The following LAMA5 variants were observed in gnomAD, a reference collection of about 807,000 sequenced individuals.
LAMA5 encodes laminin subunit alpha 5.
Under a neutral mutation model 433.4 loss-of-function variants are expected in LAMA5, and 260 were observed. That is an observed-to-expected ratio of 0.60 (90% CI 0.54 to 0.66). The LOEUF (loss-of-function observed/expected upper bound fraction) is 0.66. Among genes scored for constraint, LAMA5 ranks in the 30% least tolerant of loss-of-function variants. LAMA5 has a pLI of 0.00. For missense variants in LAMA5, 5,378 were observed against 5,258.5 expected (o/e 1.02, Z -0.70); for synonymous variants, 2,620 against 2,226.6 (o/e 1.18, Z -4.97).
In LAMA5 at chr20:62,329,785, G is replaced by A. The variant is rs1349536565; in HGVS notation, c.4111C>T (p.Leu1371Phe). 6.2e-7 allele frequency: 1 copy of A among 1,612,428 alleles called. No individual in the cohort carries two copies. Among genetic ancestry groups the A allele is most frequent in the Non-Finnish European group, 8.5e-7 (1 of 1,179,762 alleles). The stretch of plus-strand genomic sequence containing the variant: ...CATCAGCTGGGACTCACCAGCCAGA[G>A]CCACCGGCCCTTGGGCACACGCACG... The part of the protein sequence containing the change: ...VTVRVPKGRW[L>F]WLDYVLVVPE... The change falls in exon 32 of 80, where the codon CTC becomes TTC. Residue 1371 changes from leucine (L) to phenylalanine (F), a missense_variant. Leu to Phe is a conservative substitution (Grantham distance 22, BLOSUM62 0). Coordinates refer to ENST00000252999, the MANE Select transcript of LAMA5 (RefSeq NM_005560.6).
At chr20:62,332,506 T>G in intron 27 of LAMA5, 26 bp from the exon 28 acceptor site, 2 of 1,610,298 alleles carry the variant, frequency 1.2e-6, no homozygotes, top group East Asian at 2.2e-5. Context: ...GGTCAGCAGG[T>G]GGGGCAGCCC....
rs138468519 is a variant in LAMA5 at position 62,309,371 on chromosome 20, C to T, written c.11053G>A (p.Gly3685Arg). 0.011 allele frequency: 17,166 copies of T among 1,590,316 alleles called. 109 individuals carry two copies. Among genetic ancestry groups the T allele is most frequent in the Non-Finnish European group, 0.013 (14,806 of 1,176,538 alleles). ...GGGCAGCCACTGGCCCCCACTGCCC[C>T]GTGGACCTCCACAGAGCGAGTCATG... ...VAMTRSVEVH[G>R]AVGASGCPAA The change falls in exon 80 of 80, where the codon GGG (glycine) becomes AGG (arginine). Residue 3685 changes from glycine (G) to arginine (R), a missense_variant. Coordinates refer to ENST00000252999, the MANE Select transcript of LAMA5 (RefSeq NM_005560.6).
At chr20:62,321,728 AGTG>A (rs1396505702) in intron 48 of LAMA5, among the ~76,000 whole-genome samples, 1 of 20,628 alleles carries the variant, frequency 4.8e-5, no homozygotes, top group Admixed American at 6.3e-4. Flanking sequence ...GGGTGGGGTC[AGTG>A]GAGGGGTGGG....
chr20:62,333,369 C>T lies in LAMA5; in HGVS notation c.3128+6G>A. 1 of 1,610,528 alleles carries T rather than the reference C, an allele frequency of 6.2e-7. No individual in the cohort carries two copies. Among genetic ancestry groups the T allele is most frequent in the Non-Finnish European group, 8.5e-7 (1 of 1,179,440 alleles). Reference sequence around the variant, plus strand: ...ACCCCGGTCCCACCGCACGCATGGCCCTCACTTGTCGCCAGACTGCTGGGC... The same window carrying T: ...ACCCCGGTCCCACCGCACGCATGGCTCTCACTTGTCGCCAGACTGCTGGGC... On this transcript the variant is annotated splice_donor_region_variant and intron_variant, in intron 25 of 79. Transcript: ENST00000252999.
chr20:62,359,721 C>T lies in LAMA5; in HGVS notation c.450+2679G>A, dbSNP rs1038765149. Among the ~76,000 whole-genome samples the T allele has an allele frequency of 4.6e-5, 7 of 151,770 alleles. No homozygotes were observed. Among genetic ancestry groups the T allele is most frequent in the East Asian group, 1.9e-4 (1 of 5,134 alleles). ...GAGAGAGAACCCCTCCACGGCTGGG[C>T]GCAGCGGGACCCAGGCCAGGAGCCC... On this transcript the variant is annotated intron_variant, in intron 2 of 79. Coordinates refer to ENST00000252999, the MANE Select transcript of LAMA5 (RefSeq NM_005560.6). The surrounding 1 kb of genome is among the most constrained non-coding windows in gnomAD (Gnocchi z 4.3).
Position 62,310,324 on chromosome 20 carries a change from G to T in LAMA5, c.10601-13C>A. 1 of 1,590,742 alleles carries T rather than the reference G, an allele frequency of 6.3e-7. No individual in the cohort carries two copies. Among genetic ancestry groups the T allele is most frequent in the South Asian group, 1.1e-5 (1 of 88,056 alleles). ...GCTCCTGGGAGGTCTGCGGGGAGGGGTTGTGATGGAGAAGAAAGGGGGGGC... is the reference window on the plus strand; with the variant it reads ...GCTCCTGGGAGGTCTGCGGGGAGGGTTTGTGATGGAGAAGAAAGGGGGGGC... On this transcript the variant is annotated splice_polypyrimidine_tract_variant and intron_variant, in intron 76 of 79. Coordinates refer to ENST00000252999, the MANE Select transcript of LAMA5 (RefSeq NM_005560.6).
rs773452882 is a variant in LAMA5 at position 62,310,437 on chromosome 20, C to T, written c.10582G>A (p.Gly3528Arg). 1.5e-5 allele frequency: 24 copies of T among 1,604,660 alleles called. No homozygotes were observed. The highest frequency in any genetic ancestry group is 5.1e-5 in the Admixed American group (3 of 58,748). ...CACAGACCTAAAGTGATAACTCCCCCGCTGCCTGGGAAGAACAGGCCCGCC... is the reference window on the plus strand; with the variant it reads ...CACAGACCTAAAGTGATAACTCCCCTGCTGCCTGGGAAGAACAGGCCCGCC... Reference protein sequence around the residue: ...LEAGLFFPGSGGVITLDLPGA... With the variant: ...LEAGLFFPGSRGVITLDLPGA... Residue 3528 changes from glycine to arginine, a missense_variant, in exon 76 of 80, where the codon GGG becomes AGG. Physicochemically the swap from Gly to Arg is moderately radical, Grantham distance 125 (BLOSUM62 -2). Transcript: ENST00000252999.
Position 62,309,452 on chromosome 20 carries a change from GC to G in LAMA5, c.10971del (p.Trp3657CysfsTer9). On this transcript the variant is annotated frameshift_variant, in exon 80 of 80. Coordinates refer to ENST00000252999, the MANE Select transcript of LAMA5 (RefSeq NM_005560.6). LOFTEE classifies it low-confidence loss of function (END_TRUNC). ...CTCATGCAGCCGCAGTAGGCGGGGG[GC>G]CAGGGCTGCACGGCCATGGGCTCTG... ...GLPEPMAVQP[W>X]PPAYCGCMRR... is the part of the protein sequence containing the mutation. 1 of 1,583,292 alleles carries G rather than the reference GC, an allele frequency of 6.3e-7. No individual in the cohort carries two copies.
At position 62,329,183 on chromosome 20, in the gene LAMA5, G is replaced by T. The variant is rs1979871698; in HGVS notation, c.4190C>A (p.Ser1397Tyr). The T allele has an allele frequency of 1.2e-6, 2 of 1,612,912 alleles. No individual in the cohort carries two copies. Among genetic ancestry groups the T allele is most frequent in the Non-Finnish European group, 1.7e-6 (2 of 1,179,914 alleles). Residue 1397 changes from serine to tyrosine, a missense_variant, in exon 33 of 80, where the codon TCC (serine) becomes TAC (tyrosine). By Grantham distance (144) the Ser-to-Tyr change is moderately radical (BLOSUM62 -2). Transcript: ENST00000252999. ...TGCGCAGTGGCTGATGAAGTCATAG[G>T]ATTTATCCAGGGGCTCCTCCCGGAG... ...GYLREEPLDK[S>Y]YDFISHCAAQ...
intron 1 of LAMA5, among the ~76,000 whole-genome samples, chr20:62,363,056 G>A (rs968184986): frequency 6.6e-6 from 1 of 152,178 alleles, no homozygotes. Flanking sequence ...AGAGAGGCTT[G>A]GACAAAATGC....
chr20:62,348,456 A>C (rs1448061903), intron 6 of LAMA5, among the ~76,000 whole-genome samples: 1 of 151,970 alleles, frequency 6.6e-6, no homozygotes, highest in East Asian at 1.9e-4. Flanking sequence ...AAATACAAAA[A>C]ATTAGCCGGG....
Position 62,338,251 on chromosome 20 carries a change from A to C in LAMA5, c.1737T>G (p.Phe579Leu). Residue 579 changes from phenylalanine to leucine, a missense_variant, in exon 13 of 80, where the codon TTT becomes TTG. Transcript: ENST00000252999. The part of the protein sequence containing the change: ...ATCDRCAPGY[F>L]HFPLCQLCGC... ...ACTCACACTGGCAGAGAGGGAAGTGAAAGTAGCCGGGGGCACAGCGATCAC... is the reference window on the plus strand; with the variant it reads ...ACTCACACTGGCAGAGAGGGAAGTGCAAGTAGCCGGGGGCACAGCGATCAC... 1.3e-6 allele frequency: 2 copies of C among 1,598,578 alleles called. No individual in the cohort carries two copies. The highest frequency in any genetic ancestry group is 2.3e-5 in the East Asian group (1 of 44,378).
At chr20:62,333,031 C>G in intron 26 of LAMA5, 59 bp downstream of exon 26, 1 of 1,419,122 alleles carries the variant, frequency 7.0e-7, no homozygotes. Context: ...ACAGGACCCC[C>G]AGCCCCCAGG....
chr20:62,338,741 T>A (rs1033388960), intron 11 of LAMA5, 133 bp from the exon 12 acceptor site: 1 of 1,042,972 alleles, frequency 9.6e-7, no homozygotes, highest in Non-Finnish European at 1.3e-6. Context: ...AATAAAATAA[T>A]AAAAATCCCA....
chr20:62,353,348 CA>C, intron 2 of LAMA5, 97 bp from the exon 3 acceptor site: 1 of 867,894 alleles, frequency 1.2e-6, no homozygotes, highest in Non-Finnish European at 1.8e-6. Context: ...GAGGCCACAG[CA>C]GGGGATGTGG....
chr20:62,310,930 T>G lies in LAMA5; in HGVS notation c.10253A>C (p.Gln3418Pro). The G allele has an allele frequency of 6.2e-7, 1 of 1,610,878 alleles. No individual in the cohort carries two copies. The highest frequency in any genetic ancestry group is 8.5e-7 in the Non-Finnish European group (1 of 1,179,432). Residue 3418 changes from glutamine to proline, a missense_variant, in exon 74 of 80, where the codon CAG (glutamine) becomes CCG (proline). Gln to Pro is a moderately conservative substitution (Grantham distance 76, BLOSUM62 -1). Transcript: ENST00000252999. The part of the protein sequence containing the change: ...LGTRLRAQSR[Q>P]RSRPGRWHKV... Reference sequence around the variant, plus strand: ...GTGCCAGCGGCCAGGCCGGGAGCGCTGGCGGCTCTGGGCGCGGAGCCGAGT... The same window carrying G: ...GTGCCAGCGGCCAGGCCGGGAGCGCGGGCGGCTCTGGGCGCGGAGCCGAGT...
In LAMA5 at chr20:62,319,794, G is replaced by A. The variant is rs1173653714; in HGVS notation, c.6761C>T (p.Ala2254Val). 2.6e-6 allele frequency: 4 copies of A among 1,544,162 alleles called. No individual in the cohort carries two copies. Among genetic ancestry groups the A allele is most frequent in the African/African-American group, 1.4e-5 (1 of 73,136 alleles). ...GQDARRLGGQ[A>V]VGTRDQASQL... is the part of the protein sequence containing the mutation. ...GCTCGCCTGGTCTCGGGTCCCCACG[G>A]CCTGTGGAGGAAGAGCCCACTAGCC... The change falls in exon 51 of 80, where the codon GCC (alanine) becomes GTC (valine). Residue 2254 changes from alanine to valine, a missense_variant and splice_region_variant. Coordinates refer to ENST00000252999, the MANE Select transcript of LAMA5 (RefSeq NM_005560.6).
rs755149222 is a variant in LAMA5, at chr20:62,352,094, C to T, written c.688-15G>A. The T allele has an allele frequency of 7.5e-6, 12 of 1,609,058 alleles. No individual in the cohort carries two copies. In the South Asian group the frequency reaches 7.7e-5, roughly 10 times the overall value. ...GACACCACGATCTGTGGGCAGTATG[C>T]GGTGACGCCAGTGTGGCCCTAGCCC... On this transcript the variant is annotated splice_polypyrimidine_tract_variant and intron_variant, in intron 4 of 79. Coordinates refer to ENST00000252999, the MANE Select transcript of LAMA5 (RefSeq NM_005560.6).
rs760708203 is a variant in LAMA5 at position 62,311,496 on chromosome 20, G to A, written c.9847C>T (p.Leu3283=). Reference sequence around the variant, plus strand: ...CCCGTGCTCACATTGACGCTGCCCAGGTTCTGCTGCAGATCAAATACGCGC... The same window carrying A: ...CCCGTGCTCACATTGACGCTGCCCAAGTTCTGCTGCAGATCAAATACGCGC... ...PQRVFDLQQN[L]GSVNVSTGCA... Residue 3283 remains leucine, a synonymous_variant, in exon 72 of 80, where the codon CTG becomes TTG. Coordinates refer to ENST00000252999, the MANE Select transcript of LAMA5 (RefSeq NM_005560.6). 1.9e-6 allele frequency: 3 copies of A among 1,611,044 alleles called. No homozygotes were observed. Among genetic ancestry groups the A allele is most frequent in the East Asian group, 2.2e-5 (1 of 44,820 alleles).
Sources: allele counts gnomAD v4.1 joint callset (sites outside exome capture counted in the v4.1 genomes callset), GRCh38; gene constraint gnomAD v4.1.1; non-coding constraint Gnocchi (gnomAD v3.1); transcripts MANE v1.5; gene names NCBI Gene and HGNC (gene_info 2026-07-23, HGNC 2026-07-21).